JAKMIP3: variants seen among roughly 807,000 people sequenced by gnomAD.
JAKMIP3 encodes janus kinase and microtubule-interacting protein 3.
JAKMIP3 carries 58 observed loss-of-function variants against 118.5 expected under a neutral mutation model. The ratio of observed to expected loss-of-function variants is 0.49; its 90% CI spans 0.40 to 0.61. The LOEUF is 0.61. JAKMIP3 is among the 20% of genes least tolerant of loss of function. The probability of loss-of-function intolerance (pLI) is 0.00; values close to 1 mark genes in which losing one functional copy is unlikely to be tolerated. For missense variants in JAKMIP3, 950 were observed against 1,109.0 expected (o/e 0.86, Z 2.04); for synonymous variants, 486 against 451.2 (o/e 1.08, Z -0.98).
In JAKMIP3 at chr10:132,163,276, A is replaced by C; in HGVS notation, c.2288A>C (p.Glu763Ala). The C allele has an allele frequency of 6.3e-7, 1 of 1,595,254 alleles. No individual in the cohort carries two copies. Among genetic ancestry groups the C allele is most frequent in the Non-Finnish European group, 8.5e-7 (1 of 1,171,992 alleles). ...LQQEAGAKVA[E>A]LLSEEEREKL... ...CAGGAGGCCGGGGCTAAGGTGGCTG[A>C]GCTGCTGTCAGAGGAGGAGCGCGAG... The change falls in exon 20 of 24, where the codon GAG becomes GCG. Residue 763 changes from glutamate to alanine, a missense_variant. Physicochemically the swap from Glu to Ala is moderately radical, Grantham distance 107 (BLOSUM62 -1). Transcript: ENST00000684848.
chr10:132,086,667 A>C (rs1046326815), intron 1 of JAKMIP3, among the ~76,000 whole-genome samples: 2 of 152,208 alleles, frequency 1.3e-5, no homozygotes, highest in African/African-American at 4.8e-5. Context: ...GTCTGATATA[A>C]GAATAGCTAC....
chr10:132,153,248 C>G (rs969440899), intron 17 of JAKMIP3, among the ~76,000 whole-genome samples: 24 of 152,342 alleles, frequency 1.6e-4, no homozygotes, highest in Admixed American at 4.6e-4. Context: ...TGTCACCAAC[C>G]CTGTCTGCGT....
At chr10:132,101,855 C>T (rs910399557) in intron 1 of JAKMIP3, among the ~76,000 whole-genome samples, 2 of 152,024 alleles carry the variant, frequency 1.3e-5, no homozygotes, top group Non-Finnish European at 2.9e-5. Context: ...GTAGAGAACC[C>T]GAGGGCACAG....
chr10:132,086,905 T>C (rs1326298860), intron 1 of JAKMIP3, among the ~76,000 whole-genome samples: 1 of 152,228 alleles, frequency 6.6e-6, no homozygotes, highest in African/African-American at 2.4e-5. Context: ...ATCATCCTAT[T>C]TGTTGCCTGT....
At chr10:132,153,303 T>TCC (rs1711531219) in intron 17 of JAKMIP3, among the ~76,000 whole-genome samples, 1 of 152,150 alleles carries the variant, frequency 6.6e-6, no homozygotes, top group Non-Finnish European at 1.5e-5. Context: ...CAGGCAGCGT[T>TCC]CTCTGTTCAA....
rs934308822 is a variant in JAKMIP3 at position 132,180,716 on chromosome 10, T to C, written c.*1104-1641T>C. Reference sequence around the variant, plus strand: ...GCGTGCGTGTGTGTGTGCGCGTGTGTGTGCGTGTGTGTGCGTGTGTGCGTG... The same window carrying C: ...GCGTGCGTGTGTGTGTGCGCGTGTGCGTGCGTGTGTGTGCGTGTGTGCGTG... On this transcript the variant is annotated intron_variant, in intron 23 of 23. Coordinates refer to ENST00000684848, the MANE Select transcript of JAKMIP3 (RefSeq NM_001323087.2). Among the ~76,000 whole-genome samples the C allele has an allele frequency of 6.5e-3, 164 of 25,154 alleles. 31 individuals carry two copies. The highest frequency in any genetic ancestry group is 0.046 in the South Asian group (27 of 590). The allele number at this position is 25,154 out of a possible 152,430, so 16.5% of individuals were successfully genotyped here.
At chr10:132,155,900 C>T (rs1361534785) in intron 19 of JAKMIP3, among the ~76,000 whole-genome samples, 1 of 152,124 alleles carries the variant, frequency 6.6e-6, no homozygotes, top group East Asian at 1.9e-4. Flanking sequence ...TCCAGGTGGC[C>T]GGGGACCTGT....
Position 132,142,063 on chromosome 10 carries a change from C to CA in JAKMIP3, c.1602+16dup. On this transcript the variant is annotated intron_variant, in intron 11 of 23. Transcript: ENST00000684848. Reference sequence around the variant, plus strand: ...GAGAAGTTAAGGTCTACGTGACTTCCACCGCGCGTTCCGGCCCCCCTCGTG... The same window carrying CA: ...GAGAAGTTAAGGTCTACGTGACTTCCAACCGCGCGTTCCGGCCCCCCTCGTG... The CA allele has an allele frequency of 6.8e-7, 1 of 1,478,894 alleles. No homozygotes were observed. The highest frequency in any genetic ancestry group is 2.1e-5 in the Admixed American group (1 of 47,652). The allele number at this position is 1,478,894 out of a possible 1,614,324, so 91.6% of individuals were successfully genotyped here. A position where few individuals can be genotyped will look rare whatever the true frequency, so the allele number is the denominator to read the frequency against.
intron 19 of JAKMIP3, among the ~76,000 whole-genome samples, chr10:132,157,838 CTTG>C (rs1589979145): frequency 2.6e-5 from 4 of 152,074 alleles, no homozygotes; most frequent in African/African-American, 7.2e-5. Flanking sequence ...TTTCACCCAG[CTTG>C]TTGTTGCTCT....
chr10:132,088,026 A>G (rs2042618361), intron 1 of JAKMIP3, among the ~76,000 whole-genome samples: 1 of 152,042 alleles, frequency 6.6e-6, no homozygotes, highest in African/African-American at 2.4e-5. Flanking sequence ...GTCCCTACGA[A>G]GGACATGAAC....
At chr10:132,093,202 G>C (rs1322586969) in intron 1 of JAKMIP3, among the ~76,000 whole-genome samples, 1 of 152,198 alleles carries the variant, frequency 6.6e-6, no homozygotes, top group African/African-American at 2.4e-5. Context: ...TCCCAGTTAG[G>C]CTACTCGGGG....
At chr10:132,180,855 T>C (rs1431610479) in intron 23 of JAKMIP3, among the ~76,000 whole-genome samples, 2 of 143,536 alleles carry the variant, frequency 1.4e-5, no homozygotes, top group Non-Finnish European at 3.0e-5. Flanking sequence ...GTGTGTGCTG[T>C]GTGTGAGTGG....
chr10:132,125,576 C>T (rs2049384236), intron 3 of JAKMIP3, among the ~76,000 whole-genome samples: 1 of 152,264 alleles, frequency 6.6e-6, no homozygotes, highest in African/African-American at 2.4e-5. Flanking sequence ...ATCAGCTTGT[C>T]AGTTTCCACA....
rs543219415 is a variant in JAKMIP3 at position 132,072,087 on chromosome 10, G to A, written c.-138+6026G>A. On this transcript the variant is annotated intron_variant, in intron 1 of 23. Coordinates refer to ENST00000684848, the MANE Select transcript of JAKMIP3 (RefSeq NM_001323087.2). ...CTGCCTCAGCCTCTCGAGTAGCTGGGATTACAGGCATGCACCACCATGCCC... is the reference window on the plus strand; with the variant it reads ...CTGCCTCAGCCTCTCGAGTAGCTGGAATTACAGGCATGCACCACCATGCCC... 1.5e-3 allele frequency among the ~76,000 whole-genome samples: 224 copies of A among 152,042 alleles called. 1 individual carries two copies. The highest frequency in any genetic ancestry group is 1.2e-3 in the Non-Finnish European group (84 of 68,010).
chr10:132,139,243 T>TGA (rs1554946356), intron 9 of JAKMIP3, among the ~76,000 whole-genome samples: 10 of 139,308 alleles, frequency 7.2e-5, no homozygotes, highest in Non-Finnish European at 1.4e-4. Flanking sequence ...TATGCATCTG[T>TGA]GTGTGTATGT....
At chr10:132,159,643 G>A (rs2057700666) in intron 19 of JAKMIP3, among the ~76,000 whole-genome samples, 1 of 83,862 alleles carries the variant, frequency 1.2e-5, no homozygotes, top group Non-Finnish European at 2.7e-5. Context: ...GTGATGCTGG[G>A]GGGCCTCTCC....
rs191473693 is a variant in JAKMIP3 at position 132,053,800 on chromosome 10, C to T, written c.-138+17062C>T. Among the ~76,000 whole-genome samples the T allele has an allele frequency of 1.8e-3, 267 of 151,982 alleles. 1 individual carries two copies. Among genetic ancestry groups the T allele is most frequent in the African/African-American group, 5.6e-3 (231 of 41,442 alleles). The stretch of plus-strand genomic sequence containing the variant: ...CTGTAATCCCAGCACTTTGGGAGGC[C>T]GAGGCGGGCAGATCACGAGGTCAGG... On this transcript the variant is annotated intron_variant, in intron 1 of 23. Transcript: ENST00000657785.
intron 13 of JAKMIP3, among the ~76,000 whole-genome samples, chr10:132,147,706 C>T (rs968258493): frequency 6.6e-6 from 1 of 152,266 alleles, no homozygotes; most frequent in East Asian, 1.9e-4. Context: ...CCGATATGAT[C>T]GCCAGGCTCC....
chr10:132,133,269 C>A, intron 3 of JAKMIP3, 43 bp from the exon 4 acceptor site: 1 of 1,473,380 alleles, frequency 6.8e-7, no homozygotes. Context: ...ACTGCAGATC[C>A]GTGTCCTGCC....
Sources: gnomAD v4.1 joint callset for allele counts (sites outside exome capture counted in the v4.1 genomes callset) on GRCh38, gnomAD v4.1.1 for gene constraint, MANE v1.5 for transcripts, NCBI Gene and HGNC (gene_info 2026-07-23, HGNC 2026-07-21) for gene names.